CDKAL1: variants seen among roughly 807,000 people sequenced by gnomAD.
The protein encoded by CDKAL1 is threonylcarbamoyladenosine tRNA methylthiotransferase.
A neutral mutation model predicts 68.2 loss-of-function variants in CDKAL1; 32 were observed. The observed-to-expected ratio is 0.47, with a 90% confidence interval of 0.35 to 0.63. The LOEUF (loss-of-function observed/expected upper bound fraction) is 0.63. Among genes scored for constraint, CDKAL1 ranks in the 30% least tolerant of loss-of-function variants. The pLI is 0.00. For synonymous variants in CDKAL1, 234 were observed against 244.3 expected (o/e 0.96, Z 0.39); for missense variants, 606 against 696.7 (o/e 0.87, Z 1.47).
intron 4 of CDKAL1, among the ~76,000 whole-genome samples, chr6:20,579,275 G>A (rs1291073336): frequency 1.3e-5 from 2 of 151,974 alleles, no homozygotes; most frequent in Non-Finnish European, 2.9e-5. Context: ...CACTGAGCCC[G>A]GCAAAGTTGC....
At chr6:20,934,437 A>T (rs1763607690) in intron 9 of CDKAL1, among the ~76,000 whole-genome samples, 1 of 152,180 alleles carries the variant, frequency 6.6e-6, no homozygotes. Context: ...TAATGAATCA[A>T]CAGATCATTT....
chr6:20,903,877 A>G (rs1396067210), intron 9 of CDKAL1, among the ~76,000 whole-genome samples: 2 of 152,226 alleles, frequency 1.3e-5, no homozygotes, highest in African/African-American at 4.8e-5. Flanking sequence ...CAACAAATGC[A>G]CTGACAGAAC....
chr6:20,750,674 G>A (rs752762824), intron 6 of CDKAL1, among the ~76,000 whole-genome samples: 4 of 151,956 alleles, frequency 2.6e-5, no homozygotes, highest in African/African-American at 9.7e-5. Context: ...AGAAATAACA[G>A]TACTATCAGC....
chr6:21,134,938 G>C (rs1454240772), intron 13 of CDKAL1, among the ~76,000 whole-genome samples: 1 of 149,776 alleles, frequency 6.7e-6, no homozygotes, highest in African/African-American at 2.5e-5. Flanking sequence ...TCCCATTATT[G>C]TTTAATTTCT....
intron 7 of CDKAL1, among the ~76,000 whole-genome samples, chr6:20,776,857 T>C (rs1217228091): frequency 6.6e-6 from 1 of 152,168 alleles, no homozygotes; most frequent in Non-Finnish European, 1.5e-5. Flanking sequence ...TTTTCCCTCC[T>C]CTATTCGGTG....
chr6:20,648,006 C>T (rs1348101822), intron 4 of CDKAL1, among the ~76,000 whole-genome samples: 8 of 146,342 alleles, frequency 5.5e-5, no homozygotes, highest in Non-Finnish European at 1.0e-4. Flanking sequence ...ACCCAGGAGA[C>T]GGAGGTTGCA....
chr6:20,938,545 C>T (rs1046034598), intron 9 of CDKAL1, among the ~76,000 whole-genome samples: 2 of 152,032 alleles, frequency 1.3e-5, no homozygotes, highest in Non-Finnish European at 2.9e-5. Context: ...TAGTAAAATT[C>T]TCCTTTTTTT....
intron 4 of CDKAL1, among the ~76,000 whole-genome samples, chr6:20,608,465 A>G (rs1475633564): frequency 6.6e-6 from 1 of 152,096 alleles, no homozygotes; most frequent in Non-Finnish European, 1.5e-5. Flanking sequence ...AGTAAATAAA[A>G]CCCAGTGTTA....
At chr6:20,538,937 T>C (rs1356684323) in intron 2 of CDKAL1, among the ~76,000 whole-genome samples, 1 of 152,232 alleles carries the variant, frequency 6.6e-6, no homozygotes, top group Non-Finnish European at 1.5e-5. Context: ...GAAAAAGAGA[T>C]GATGCCTTTG....
At chr6:20,884,404 T>C (rs892452934) in intron 9 of CDKAL1, among the ~76,000 whole-genome samples, 3 of 152,218 alleles carry the variant, frequency 2.0e-5, no homozygotes, top group Non-Finnish European at 4.4e-5. Flanking sequence ...ATCATGCTCA[T>C]TGGTGAAAGA....
intron 9 of CDKAL1, among the ~76,000 whole-genome samples, chr6:20,865,312 T>G (rs940073921): frequency 1.3e-5 from 2 of 152,322 alleles, no homozygotes; most frequent in Non-Finnish European, 2.9e-5. Context: ...TTATGATAAC[T>G]GGGGTCATTT....
At position 21,230,879 on chromosome 6, in the gene CDKAL1, G is replaced by T. The variant is rs1162014264; in HGVS notation, c.1580G>T (p.Ser527Ile). The T allele has an allele frequency of 6.2e-7, 1 of 1,611,930 alleles. No individual in the cohort carries two copies. Among genetic ancestry groups the T allele is most frequent in the Non-Finnish European group, 8.5e-7 (1 of 1,178,786 alleles). The change falls in exon 16 of 16, where the codon AGT becomes ATT. Residue 527 changes from serine (S) to isoleucine (I), a missense_variant. Transcript: ENST00000274695. ...DFRNGLGNQL[S>I]SGSHTSAASQ... ...AGAAATGGGCTTGGGAACCAGCTGAGTTCAGGATCCCACACCTCTGCTGCA... is the reference window on the plus strand; with the variant it reads ...AGAAATGGGCTTGGGAACCAGCTGATTTCAGGATCCCACACCTCTGCTGCA...
intron 4 of CDKAL1, among the ~76,000 whole-genome samples, chr6:20,578,013 T>C (rs1462028190): frequency 1.3e-5 from 2 of 152,044 alleles, no homozygotes; most frequent in Non-Finnish European, 2.9e-5. Context: ...AAAGAACAAA[T>C]ACATGTATTT....
At chr6:20,743,303 G>T (rs1005415295) in intron 6 of CDKAL1, among the ~76,000 whole-genome samples, 1 of 152,120 alleles carries the variant, frequency 6.6e-6, no homozygotes, top group African/African-American at 2.4e-5. Flanking sequence ...CTTTATCTGT[G>T]TCACCTTACA....
chr6:20,897,462 C>CT (rs942229066), intron 9 of CDKAL1, among the ~76,000 whole-genome samples: 20 of 152,102 alleles, frequency 1.3e-4, no homozygotes, highest in African/African-American at 4.3e-4. Flanking sequence ...GCCACATGTC[C>CT]TGGCCTCTTT....
At chr6:20,559,062 T>A (rs755474898) in intron 4 of CDKAL1, 1 of 152,494 alleles carries the variant, frequency 6.6e-6, no homozygotes, top group South Asian at 2.1e-4. Flanking sequence ...TAGTTTCTGA[T>A]GTTTTTCCAT....
chr6:21,033,107 C>A (rs1434024758), intron 11 of CDKAL1, among the ~76,000 whole-genome samples: 1 of 152,094 alleles, frequency 6.6e-6, no homozygotes, highest in African/African-American at 2.4e-5. Flanking sequence ...GAAGAAAGTA[C>A]AGTTGGGAAG....
chr6:20,962,780 A>G (rs1765115615), intron 10 of CDKAL1, among the ~76,000 whole-genome samples: 1 of 152,182 alleles, frequency 6.6e-6, no homozygotes. Context: ...GACATGCTAG[A>G]TTACTTATTT....
chr6:20,876,986 A>C (rs886837138), intron 9 of CDKAL1, among the ~76,000 whole-genome samples: 1 of 152,220 alleles, frequency 6.6e-6, no homozygotes, highest in African/African-American at 2.4e-5. Flanking sequence ...CACTTGTTCA[A>C]TCAACACTTT....
Sources: allele counts gnomAD v4.1 joint callset (sites outside exome capture counted in the v4.1 genomes callset), GRCh38; gene constraint gnomAD v4.1.1; transcripts MANE v1.5; gene names NCBI Gene and HGNC (gene_info 2026-07-23, HGNC 2026-07-21).